NRSN1: variants seen among roughly 807,000 people sequenced by gnomAD.
The protein encoded by NRSN1 is neurensin-1.
NRSN1 carries 14 observed loss-of-function variants against 17.3 expected under a neutral mutation model. The ratio of observed to expected loss-of-function variants is 0.81; its 90% confidence interval spans 0.54 to 1.27. NRSN1 has a LOEUF of 1.27. Ranked by LOEUF, NRSN1 falls within the 50% of genes most tolerant of loss-of-function variation. The probability of loss-of-function intolerance (pLI) is 0.00; values close to 1 mark genes in which losing one functional copy is unlikely to be tolerated. For missense variants in NRSN1, 209 were observed against 235.9 expected (o/e 0.89, Z 0.75); for synonymous variants, 79 against 94.2 (o/e 0.84, Z 0.93).
chr6:24,135,154 C>T (rs1240335248), intron 3 of NRSN1, among the ~76,000 whole-genome samples: 1 of 152,180 alleles, frequency 6.6e-6, no homozygotes. Flanking sequence ...ATGGAGCTTA[C>T]AATCTATCAT....
rs970306293 is a variant in NRSN1, at chr6:24,144,131, C to T, written c.190-1417C>T. Among the ~76,000 whole-genome samples the T allele has an allele frequency of 5.3e-5, 8 of 152,184 alleles. 1 individual carries two copies. In the South Asian group the frequency reaches 1.7e-3, roughly 31 times the overall value. On this transcript the variant is annotated intron_variant, in intron 3 of 3. Transcript: ENST00000378491. ...TTCCTAGCACCTGCACAAGTATACC[C>T]CAAATAGCTACATGTGAGAGGAGAA...
At position 24,146,256 on chromosome 6, in the gene NRSN1, T is replaced by G; in HGVS notation, c.*310T>G. ...TGTTATTTTCCGTGTTGTTTGAAAG[T>G]GCCGAACAGTTTAGACCAGCTCACC... On this transcript the variant is annotated 3_prime_UTR_variant, in exon 4 of 4. Coordinates refer to ENST00000378491, the MANE Select transcript of NRSN1 (RefSeq NM_080723.5). The G allele has an allele frequency of 1.7e-6, 1 of 594,006 alleles. No homozygotes were observed. The highest frequency in any genetic ancestry group is 3.3e-6 in the Non-Finnish European group (1 of 307,262). 36.8% of individuals were successfully genotyped at this position (594,006 alleles called of 1,614,324 possible). A position where few individuals can be genotyped will look rare whatever the true frequency, so the allele number is the denominator to read the frequency against.
intron 3 of NRSN1, among the ~76,000 whole-genome samples, chr6:24,142,619 C>G (rs554400670): frequency 3.3e-5 from 5 of 152,152 alleles, no homozygotes; most frequent in African/African-American, 1.2e-4. Context: ...CCCACCATGC[C>G]TGGCTAATTT....
chr6:24,145,522 T>A lies in NRSN1; in HGVS notation c.190-26T>A. 1 of 1,545,838 alleles carries A rather than the reference T, an allele frequency of 6.5e-7. No individual in the cohort carries two copies. The highest frequency in any genetic ancestry group is 1.3e-5 in the South Asian group (1 of 79,620). On this transcript the variant is annotated intron_variant, in intron 3 of 3. Coordinates refer to ENST00000378491, the MANE Select transcript of NRSN1 (RefSeq NM_080723.5). The surrounding 1 kb of genome is among the most constrained non-coding windows in gnomAD (Gnocchi z 4.4). ...GCCGAAGCACCTTCCTCACTCTATC[T>A]TGCTTCTGTCATTATCTACCTGTAG...
chr6:24,130,289 T>TTA (rs1760008478), intron 2 of NRSN1, among the ~76,000 whole-genome samples: 1 of 152,172 alleles, frequency 6.6e-6, no homozygotes, highest in Non-Finnish European at 1.5e-5. Flanking sequence ...TTCTAGTTTG[T>TTA]TATATATAGT....
intron 3 of NRSN1, among the ~76,000 whole-genome samples, chr6:24,135,609 G>C (rs914165989): frequency 6.6e-6 from 1 of 152,222 alleles, no homozygotes; most frequent in Non-Finnish European, 1.5e-5. Context: ...CCAGGCAAAA[G>C]ATGCTGGTGG....
intron 3 of NRSN1, among the ~76,000 whole-genome samples, chr6:24,135,492 T>C (rs186149670): frequency 1.3e-5 from 2 of 152,274 alleles, no homozygotes; most frequent in African/African-American, 2.4e-5. Flanking sequence ...AAGGCACAGA[T>C]GATTTATGTA....
intron 3 of NRSN1, chr6:24,141,113 C>G: frequency 7.4e-7 from 1 of 1,347,212 alleles, no homozygotes; most frequent in Non-Finnish European, 9.6e-7. Flanking sequence ...AGGACCCTTC[C>G]AAAGCATTCC....
chr6:24,144,020 T>C (rs1277475543), intron 3 of NRSN1, among the ~76,000 whole-genome samples: 1 of 152,226 alleles, frequency 6.6e-6, no homozygotes, highest in Non-Finnish European at 1.5e-5. Flanking sequence ...GACCACCAAA[T>C]GGTACATCAT....
chr6:24,142,670 G>C (rs916835957), intron 3 of NRSN1, among the ~76,000 whole-genome samples: 1 of 152,106 alleles, frequency 6.6e-6, no homozygotes, highest in Admixed American at 6.5e-5. Flanking sequence ...TGTTGGTCAG[G>C]CTTGTCTTGT....
At chr6:24,139,772 C>G (rs1760173726) in intron 3 of NRSN1, among the ~76,000 whole-genome samples, 1 of 152,118 alleles carries the variant, frequency 6.6e-6, no homozygotes, top group Non-Finnish European at 1.5e-5. Context: ...GGATAGACTC[C>G]TGAACCAGAC....
At chr6:24,139,811 G>T (rs980277902) in intron 3 of NRSN1, among the ~76,000 whole-genome samples, 7 of 152,180 alleles carry the variant, frequency 4.6e-5, no homozygotes, top group Non-Finnish European at 2.9e-5. Context: ...AATCCCAGAG[G>T]ACTCAGGAGC....
At chr6:24,130,547 A>G (rs1327685464) in intron 2 of NRSN1, among the ~76,000 whole-genome samples, 1 of 152,176 alleles carries the variant, frequency 6.6e-6, no homozygotes, top group Non-Finnish European at 1.5e-5. Context: ...AGTGAATTCC[A>G]GGTAGTTATA....
intron 3 of NRSN1, among the ~76,000 whole-genome samples, chr6:24,141,731 C>T (rs1346320144): frequency 6.6e-6 from 1 of 152,194 alleles, no homozygotes; most frequent in Non-Finnish European, 1.5e-5. Context: ...GAAAGCACTG[C>T]TCAGCTGAGG....
chr6:24,142,457 TTC>T (rs1479153414), intron 3 of NRSN1, among the ~76,000 whole-genome samples: 1 of 152,070 alleles, frequency 6.6e-6, no homozygotes, highest in Non-Finnish European at 1.5e-5. Context: ...TATGCTTTTT[TTC>T]TCTCTCTTTT....
chr6:24,137,385 ATCT>A (rs1458582870), intron 3 of NRSN1, among the ~76,000 whole-genome samples: 27 of 152,302 alleles, frequency 1.8e-4, no homozygotes, highest in African/African-American at 6.5e-4. Context: ...TGTAAATAAG[ATCT>A]TCTTTTTCAG....
At chr6:24,130,186 A>G (rs1487800824) in intron 2 of NRSN1, among the ~76,000 whole-genome samples, 4 of 152,230 alleles carry the variant, frequency 2.6e-5, no homozygotes, top group South Asian at 2.1e-4. Flanking sequence ...CTATTGAAAT[A>G]TAGACATCAG....
chr6:24,133,099 G>A (rs1205550498), intron 2 of NRSN1, among the ~76,000 whole-genome samples: 1 of 151,678 alleles, frequency 6.6e-6, no homozygotes, highest in Non-Finnish European at 1.5e-5. Flanking sequence ...TCTCTCTAAG[G>A]GTATCAATTA....
chr6:24,146,145 T>C lies in NRSN1; in HGVS notation c.*199T>C, dbSNP rs1358238074. ...GGTGCCATGCCTAAGCCTGTGCACA[T>C]GCATCCAGCTGCTTAAGATGGGTGC... On this transcript the variant is annotated 3_prime_UTR_variant, in exon 4 of 4. Coordinates refer to ENST00000378491, the MANE Select transcript of NRSN1 (RefSeq NM_080723.5). 1.1e-4 allele frequency: 77 copies of C among 716,978 alleles called. No individual in the cohort carries two copies. The Admixed American group carries it at 1.5e-3, about 14-fold the overall frequency. The allele number at this position is 716,978 out of a possible 1,614,324, so 44.4% of individuals were successfully genotyped here. A position where few individuals can be genotyped will look rare whatever the true frequency, so the allele number is the denominator to read the frequency against.
Sources: allele counts gnomAD v4.1 joint callset (sites outside exome capture counted in the v4.1 genomes callset), GRCh38; gene constraint gnomAD v4.1.1; non-coding constraint Gnocchi (gnomAD v3.1); transcripts MANE v1.5; gene names NCBI Gene and HGNC (gene_info 2026-07-23, HGNC 2026-07-21).